The following SMC5 variants were observed in gnomAD, a reference collection of about 807,000 sequenced individuals.
SMC5 encodes structural maintenance of chromosomes protein 5.
A neutral mutation model predicts 148.3 loss-of-function variants in SMC5; 88 were observed. The observed-to-expected ratio is 0.59, with a 90% CI of 0.50 to 0.71. The LOEUF is 0.71. Ranked by LOEUF, SMC5 falls within the 30% of genes least tolerant of loss-of-function variation. SMC5 has a pLI of 0.00. For synonymous variants in SMC5, 421 were observed against 432.8 expected (o/e 0.97, Z 0.34); for missense variants, 1,142 against 1,298.9 (o/e 0.88, Z 1.86).
At chr9:70,305,469 A>G (rs1053363150) in intron 11 of SMC5, 109 bp downstream of exon 11, 16 of 651,164 alleles carry the variant, frequency 2.5e-5, no homozygotes, top group Non-Finnish European at 3.9e-5. Context: ...CCACCAGTTC[A>G]CTCTCATGCA....
intron 17 of SMC5, among the ~76,000 whole-genome samples, chr9:70,324,958 TCTC>T (rs761870984): frequency 6.6e-6 from 1 of 152,144 alleles, no homozygotes; most frequent in Non-Finnish European, 1.5e-5. Context: ...TCCTCACACA[TCTC>T]CTGGTTCACC....
At chr9:70,312,195 C>G (rs796545424) in intron 11 of SMC5, 6 of 150,326 alleles carry the variant, frequency 4.0e-5, no homozygotes, top group African/African-American at 1.5e-4. Context: ...TTAATTGACT[C>G]ACAGTTCTGC....
intron 17 of SMC5, among the ~76,000 whole-genome samples, chr9:70,326,596 CT>C (rs551424297): frequency 0.039 from 4,900 of 126,518 alleles, 163 homozygotes; most frequent in African/African-American, 0.085. Flanking sequence ...AAACCAGAAT[CT>C]TTTTTTTTTT....
At chr9:70,351,303 C>G (rs781320936) in intron 24 of SMC5, among the ~76,000 whole-genome samples, 8 of 150,878 alleles carry the variant, frequency 5.3e-5, no homozygotes, top group Non-Finnish European at 8.8e-5. Flanking sequence ...TCAGTGAGCC[C>G]AGATCACACC....
chr9:70,275,446 C>T (rs141575995), intron 3 of SMC5, among the ~76,000 whole-genome samples: 1 of 152,090 alleles, frequency 6.6e-6, no homozygotes, highest in African/African-American at 2.4e-5. Context: ...AGTGATCCTC[C>T]CACCTTTGCC....
At chr9:70,293,852 C>T (rs1373840874) in intron 8 of SMC5, among the ~76,000 whole-genome samples, 2 of 151,942 alleles carry the variant, frequency 1.3e-5, no homozygotes, top group African/African-American at 4.8e-5. Context: ...CATTGGTGTG[C>T]GTTCAGTTTT....
Position 70,264,395 on chromosome 9 carries a change from A to G in SMC5, c.277A>G (p.Ile93Val), listed in dbSNP as rs2034218787. ...GTGKSSIVCA[I>V]CLGLAGKPAF... ...AGGGAAGTCGAGCATTGTGTGTGCC[A>G]TTTGCCTTGGTTTAGCTGGAAAACC... Residue 93 changes from isoleucine to valine, a missense_variant, in exon 2 of 25, where the codon ATT becomes GTT. By Grantham distance (29) the Ile-to-Val change is conservative. Coordinates refer to ENST00000361138, the MANE Select transcript of SMC5 (RefSeq NM_015110.4). The G allele has an allele frequency of 1.9e-6, 3 of 1,614,054 alleles. No individual in the cohort carries two copies. The highest frequency in any genetic ancestry group is 1.7e-4 in the Middle Eastern group (1 of 6,060).
At chr9:70,272,417 A>G (rs184508226) in intron 3 of SMC5, among the ~76,000 whole-genome samples, 7 of 152,320 alleles carry the variant, frequency 4.6e-5, no homozygotes, top group East Asian at 1.9e-4. Flanking sequence ...TGAGATGCCT[A>G]GTAGATACTC....
intron 2 of SMC5, 57 bp from the exon 3 acceptor site, chr9:70,267,866 T>A: frequency 6.9e-7 from 1 of 1,452,510 alleles, no homozygotes; most frequent in Non-Finnish European, 9.5e-7. Flanking sequence ...GCTAAATCTC[T>A]GATTGTTAAC....
In SMC5 at chr9:70,315,435, T is replaced by G; in HGVS notation, c.1674-11T>G. The stretch of plus-strand genomic sequence containing the variant: ...TAAGAAGAAAAATCTAATCAATACT[T>G]TTCCTTTCAGACAATACGGATTTTT... On this transcript the variant is annotated splice_polypyrimidine_tract_variant and intron_variant, in intron 12 of 24. Transcript: ENST00000361138. 6.5e-7 allele frequency: 1 copy of G among 1,543,500 alleles called. No individual in the cohort carries two copies. The highest frequency in any genetic ancestry group is 8.7e-7 in the Non-Finnish European group (1 of 1,142,902).
At chr9:70,328,184 GA>G (rs1304606737) in intron 17 of SMC5, among the ~76,000 whole-genome samples, 2 of 151,914 alleles carry the variant, frequency 1.3e-5, no homozygotes, top group Non-Finnish European at 2.9e-5. Context: ...TGGCCCTTCC[GA>G]AATCTTGTGT....
intron 2 of SMC5, among the ~76,000 whole-genome samples, chr9:70,265,542 A>T (rs1475956827): frequency 2.0e-5 from 3 of 152,236 alleles, no homozygotes; most frequent in Non-Finnish European, 2.9e-5. Context: ...TAAATGATCT[A>T]AACTCTAAAC....
chr9:70,314,785 C>T lies in SMC5; in HGVS notation c.1622C>T (p.Pro541Leu). 6.4e-7 allele frequency: 1 copy of T among 1,573,556 alleles called. No individual in the cohort carries two copies. Among genetic ancestry groups the T allele is most frequent in the Non-Finnish European group, 8.6e-7 (1 of 1,158,944 alleles). Residue 541 changes from proline to leucine, a missense_variant, in exon 12 of 25, where the codon CCC becomes CTC. Transcript: ENST00000361138. ...TTAAGAGTAAATGCTGTTATTGCTC[C>T]CAAGAGTTCATATGCAGACAAAGCA... ...KKLRVNAVIA[P>L]KSSYADKAPS...
intron 1 of SMC5, 141 bp downstream of exon 1, chr9:70,259,404 T>G: frequency 1.2e-6 from 1 of 867,516 alleles, no homozygotes; most frequent in Non-Finnish European, 1.7e-6. Context: ...GGGGTTCCCT[T>G]GAGGATTTTC....
intron 8 of SMC5, among the ~76,000 whole-genome samples, chr9:70,293,168 C>G (rs1057204523): frequency 6.6e-6 from 1 of 152,024 alleles, no homozygotes; most frequent in Non-Finnish European, 1.5e-5. Flanking sequence ...TTTCAACTTC[C>G]TTAATAGCTA....
At chr9:70,325,731 T>C (rs186703923) in intron 17 of SMC5, among the ~76,000 whole-genome samples, 18 of 152,142 alleles carry the variant, frequency 1.2e-4, no homozygotes, top group Admixed American at 1.0e-3. Context: ...GCAAGTAAAA[T>C]AGAATATATT....
At chr9:70,344,622 G>A (rs1277238506) in intron 18 of SMC5, 1 of 152,076 alleles carries the variant, frequency 6.6e-6, no homozygotes, top group African/African-American at 2.4e-5. Flanking sequence ...GGAAATTGGG[G>A]TGTTTAATTA....
At chr9:70,276,437 A>G (rs1244504960) in intron 3 of SMC5, among the ~76,000 whole-genome samples, 3 of 152,208 alleles carry the variant, frequency 2.0e-5, no homozygotes, top group African/African-American at 7.2e-5. Flanking sequence ...AGATGTTTTA[A>G]TATTTTATTA....
At chr9:70,344,839 T>C (rs1468781075) in intron 18 of SMC5, among the ~76,000 whole-genome samples, 1 of 152,122 alleles carries the variant, frequency 6.6e-6, no homozygotes, top group Non-Finnish European at 1.5e-5. Context: ...CAGAATAATG[T>C]CAAAATGAAA....
Sources: gnomAD v4.1 joint callset for allele counts (sites outside exome capture counted in the v4.1 genomes callset) on GRCh38, gnomAD v4.1.1 for gene constraint, MANE v1.5 for transcripts, NCBI Gene and HGNC (gene_info 2026-07-23, HGNC 2026-07-21) for gene names.